Variants in RBFOX1 observed in about 807,000 individuals in gnomAD.
RBFOX1 encodes the protein RNA binding fox-1 homolog 1, also known as RNA binding protein fox-1 homolog 1.
Under a neutral mutation model 57.7 loss-of-function variants are expected in RBFOX1, and 8 were observed. The ratio of observed to expected loss-of-function variants is 0.14; its 90% confidence interval spans 0.08 to 0.25. The LOEUF (loss-of-function observed/expected upper bound fraction) is 0.25. Among genes scored for constraint, RBFOX1 ranks in the 10% least tolerant of loss-of-function variants. The pLI, the probability that RBFOX1 is intolerant of heterozygous loss-of-function variation, is 1.00. For synonymous variants in RBFOX1, 326 were observed against 222.4 expected, an observed-to-expected ratio of 1.47 and a Z score of -4.15; for missense variants, 611 against 548.5, an observed-to-expected ratio of 1.11 and a Z score of -1.14.
At chr16:7,100,124 A>T (rs982867995) in intron 4 of RBFOX1, among the ~76,000 whole-genome samples, 1 of 151,612 alleles carries the variant, frequency 6.6e-6, no homozygotes, top group Non-Finnish European at 1.5e-5. Context: ...TCTCTGGTGA[A>T]GGGAACAAAA....
At chr16:6,030,795 T>G (rs2095277042) in intron 1 of RBFOX1, among the ~76,000 whole-genome samples, 1 of 152,204 alleles carries the variant, frequency 6.6e-6, no homozygotes, top group Non-Finnish European at 1.5e-5. Context: ...AAAAACATTT[T>G]CCTGGAGCAC....
chr16:5,624,487 G>A (rs1182178472), intron 3 of RBFOX1, among the ~76,000 whole-genome samples: 5 of 152,196 alleles, frequency 3.3e-5, no homozygotes, highest in African/African-American at 9.7e-5. Context: ...GTGAGCCATC[G>A]CGCCCAGCCA....
At chr16:6,332,463 A>G (rs773784575) in intron 2 of RBFOX1, among the ~76,000 whole-genome samples, 8 of 152,238 alleles carry the variant, frequency 5.3e-5, no homozygotes, top group Non-Finnish European at 1.2e-4. Flanking sequence ...TTAATAGGCA[A>G]AACTATTAGG....
chr16:7,042,990 G>A (rs951400357), intron 3 of RBFOX1, among the ~76,000 whole-genome samples: 7 of 152,126 alleles, frequency 4.6e-5, no homozygotes, highest in Non-Finnish European at 1.0e-4. Flanking sequence ...TTAAAATTGA[G>A]CAAAACCTAA....
At chr16:7,384,120 A>T (rs556782433) in intron 4 of RBFOX1, among the ~76,000 whole-genome samples, 21 of 152,000 alleles carry the variant, frequency 1.4e-4, no homozygotes, top group African/African-American at 5.1e-4. Context: ...ACATATATAC[A>T]TATGTTCTTC....
At chr16:6,970,697 A>G (rs1019066656) in intron 3 of RBFOX1, among the ~76,000 whole-genome samples, 1 of 152,256 alleles carries the variant, frequency 6.6e-6, no homozygotes, top group Non-Finnish European at 1.5e-5. Context: ...CCTAGCTCTT[A>G]ATACTATCAT....
chr16:6,055,854 C>T (rs2095608459), intron 1 of RBFOX1, among the ~76,000 whole-genome samples: 1 of 152,102 alleles, frequency 6.6e-6, no homozygotes, highest in Non-Finnish European at 1.5e-5. Context: ...GATGCAAATT[C>T]CTCAGAATCC....
chr16:6,274,793 T>A (rs1461197702), intron 1 of RBFOX1, among the ~76,000 whole-genome samples: 2 of 152,140 alleles, frequency 1.3e-5, no homozygotes, highest in Admixed American at 6.5e-5. Context: ...ATTTATGATG[T>A]TAATAAAACT....
At chr16:6,361,461 C>G (rs530603214) in intron 2 of RBFOX1, among the ~76,000 whole-genome samples, 1 of 152,000 alleles carries the variant, frequency 6.6e-6, no homozygotes, top group South Asian at 2.1e-4. Context: ...CACCCCGTGT[C>G]TACTAAAACT....
chr16:6,898,243 G>T (rs1235895103), intron 3 of RBFOX1, among the ~76,000 whole-genome samples: 1 of 152,026 alleles, frequency 6.6e-6, no homozygotes, highest in Non-Finnish European at 1.5e-5. Context: ...ATCAAGCTCT[G>T]ACTCCAGCTG....
chr16:6,795,792 G>C (rs1051066157), intron 3 of RBFOX1, among the ~76,000 whole-genome samples: 1 of 147,264 alleles, frequency 6.8e-6, no homozygotes, highest in Admixed American at 6.7e-5. Flanking sequence ...AAAAAAAAAA[G>C]ATAGTCATCG....
chr16:7,386,962 A>G (rs933455675), intron 4 of RBFOX1, among the ~76,000 whole-genome samples: 1 of 151,998 alleles, frequency 6.6e-6, no homozygotes, highest in African/African-American at 2.4e-5. Context: ...TTTGATTTGC[A>G]TTTCTCTAAT....
At chr16:6,079,625 A>C (rs1397254903) in intron 1 of RBFOX1, among the ~76,000 whole-genome samples, 1 of 151,308 alleles carries the variant, frequency 6.6e-6, no homozygotes, top group Non-Finnish European at 1.5e-5. Flanking sequence ...GAAATGGTAC[A>C]GGAGTTCAAG....
intron 3 of RBFOX1, among the ~76,000 whole-genome samples, chr16:6,923,574 G>A (rs555050954): frequency 6.6e-6 from 1 of 152,128 alleles, no homozygotes; most frequent in East Asian, 1.9e-4. Context: ...TGTTAATCAT[G>A]GCTGACCATT....
intron 4 of RBFOX1, among the ~76,000 whole-genome samples, chr16:7,214,449 G>A (rs1018124210): frequency 3.3e-5 from 5 of 151,730 alleles, no homozygotes; most frequent in African/African-American, 7.3e-5. Context: ...CTAAATCACC[G>A]TGTCTTGCCA....
At chr16:7,605,305 TA>T (rs2095242345) in intron 9 of RBFOX1, among the ~76,000 whole-genome samples, 1 of 152,196 alleles carries the variant, frequency 6.6e-6, no homozygotes, top group South Asian at 2.1e-4. Context: ...ATGTGATTAA[TA>T]CAAGAGAAGA....
chr16:5,800,503 T>C (rs2055022369), intron 3 of RBFOX1, among the ~76,000 whole-genome samples: 1 of 152,050 alleles, frequency 6.6e-6, no homozygotes, highest in African/African-American at 2.4e-5. Flanking sequence ...ACTCCTCTGC[T>C]GGGCAATGGC....
intron 4 of RBFOX1, among the ~76,000 whole-genome samples, chr16:7,101,080 A>G (rs966039875): frequency 5.3e-5 from 8 of 152,236 alleles, no homozygotes; most frequent in African/African-American, 1.9e-4. Context: ...TTTCATTCAA[A>G]GAATAAAAGC....
At chr16:5,491,001 C>T (rs538262682) in intron 2 of RBFOX1, among the ~76,000 whole-genome samples, 30 of 151,908 alleles carry the variant, frequency 2.0e-4, no homozygotes, top group East Asian at 3.9e-4. Context: ...AAACCAAATG[C>T]GCAATTACTG....
Sources: gnomAD v4.1 joint callset for allele counts (sites outside exome capture counted in the v4.1 genomes callset) on GRCh38, gnomAD v4.1.1 for gene constraint, MANE v1.5 for transcripts, NCBI Gene and HGNC (gene_info 2026-07-23, HGNC 2026-07-21) for gene names.